Variants in KCNA6 observed in about 807,000 individuals in gnomAD.
KCNA6 encodes the protein potassium voltage-gated channel subfamily A member 6, also known as human brain potassium channel-2.
A neutral mutation model predicts 29.5 loss-of-function variants in KCNA6; 17 were observed. The ratio of observed to expected loss-of-function variants is 0.58; its 90% CI spans 0.39 to 0.86. The LOEUF (loss-of-function observed/expected upper bound fraction) is 0.86. KCNA6 is among the 40% of genes least tolerant of loss of function. The pLI is 0.00. For synonymous variants in KCNA6, 296 were observed against 304.7 expected, an observed-to-expected ratio of 0.97 and a Z score of 0.30; for missense variants, 450 against 703.4, an observed-to-expected ratio of 0.64 and a Z score of 4.07.
At chr12:4,821,459 TG>T in the KCNA6 span, among the ~76,000 whole-genome samples, 2 of 149,574 alleles carry the variant, frequency 1.3e-5, no homozygotes, top group South Asian at 2.2e-4. Context: ...TGTGTGTGTG[TG>T]TTTTGTTTTT....
At chr12:4,821,859 G>A in the KCNA6 span, among the ~76,000 whole-genome samples, 1 of 151,882 alleles carries the variant, frequency 6.6e-6, no homozygotes, top group Admixed American at 6.6e-5. Flanking sequence ...TTTTTTAGAT[G>A]GAGTTTCGCT....
chr12:4,844,174 A>T, the KCNA6 span, among the ~76,000 whole-genome samples: 2 of 152,174 alleles, frequency 1.3e-5, no homozygotes, highest in South Asian at 4.1e-4. The surrounding 1 kb of genome is among the most constrained non-coding windows in gnomAD (Gnocchi z 4.0). Context: ...CTAACCATGG[A>T]TGCATCGGCA....
the KCNA6 span, among the ~76,000 whole-genome samples, chr12:4,844,429 T>C: frequency 6.6e-6 from 1 of 152,098 alleles, no homozygotes; most frequent in Admixed American, 6.5e-5. This position sits in a 1 kb window ranked among gnomAD's most constrained non-coding sequence, Gnocchi z 4.0. Flanking sequence ...GGCGGTGACC[T>C]TACTGAGAAG....
At chr12:4,817,263 C>G (rs1946691407), downstream of KCNA6, among the ~76,000 whole-genome samples, 2 of 152,230 alleles carry the variant, frequency 1.3e-5, no homozygotes, top group Admixed American at 1.3e-4. Context: ...GCACAGATAG[C>G]TCATGGCAGA....
exon 1 of KCNA6, chr12:4,809,960 G>A (rs1946605610): frequency 6.9e-7 from 1 of 1,452,456 alleles, no homozygotes; most frequent in South Asian, 1.4e-5. Context: ...GGCGCAGCCG[G>A]GAGCTGGGGA....
the KCNA6 span, among the ~76,000 whole-genome samples, chr12:4,830,532 GA>G: frequency 6.6e-6 from 1 of 151,340 alleles, no homozygotes; most frequent in Non-Finnish European, 1.5e-5. Flanking sequence ...GGTGGCCAGC[GA>G]AAGAGAAACA....
chr12:4,846,556 CT>C, the KCNA6 span, among the ~76,000 whole-genome samples: 1 of 152,098 alleles, frequency 6.6e-6, no homozygotes, highest in Non-Finnish European at 1.5e-5. Context: ...TGAACATCTT[CT>C]TTTTCCTTGT....
chr12:4,811,373 C>T lies in KCNA6; in HGVS notation c.1332C>T (p.Ile444=), dbSNP rs763158647. 4 of 1,614,134 alleles carry T rather than the reference C, an allele frequency of 2.5e-6. No homozygotes were observed. The highest frequency in any genetic ancestry group is 2.2e-5 in the South Asian group (2 of 91,062). Residue 444 remains isoleucine (I), a synonymous_variant, in exon 1 of 1, where the codon ATC becomes ATT. Coordinates refer to ENST00000280684, the Ensembl canonical transcript of KCNA6. This position sits in a 1 kb window ranked among gnomAD's most constrained non-coding sequence, Gnocchi z 7.1. ...AGATCGTGGGCTCGCTGTGTGCCAT[C>T]GCTGGGGTCCTCACCATTGCCCTGC...
the KCNA6 span, among the ~76,000 whole-genome samples, chr12:4,846,670 C>A: frequency 6.6e-6 from 1 of 151,896 alleles, no homozygotes; most frequent in East Asian, 1.9e-4. Context: ...ATGCACCAGG[C>A]TCTCTCTCAC....
chr12:4,836,772 G>C, the KCNA6 span, among the ~76,000 whole-genome samples: 34 of 152,218 alleles, frequency 2.2e-4, no homozygotes, highest in African/African-American at 8.0e-4. Flanking sequence ...GAGTGCGACA[G>C]ACTAGCATTG....
At chr12:4,830,921 T>C in the KCNA6 span, among the ~76,000 whole-genome samples, 1 of 152,190 alleles carries the variant, frequency 6.6e-6, no homozygotes, top group South Asian at 2.1e-4. Context: ...AGCCACCCCC[T>C]AGCAGACTTT....
the KCNA6 span, among the ~76,000 whole-genome samples, chr12:4,832,707 C>G: frequency 2.0e-5 from 3 of 152,160 alleles, no homozygotes; most frequent in African/African-American, 7.2e-5. Flanking sequence ...TTTCTAGACC[C>G]AGAGAGGGTC....
chr12:4,814,868 G>A (rs775730998), downstream of KCNA6: 2 of 166,422 alleles, frequency 1.2e-5, no homozygotes, highest in Non-Finnish European at 2.9e-5. The surrounding 1 kb of genome is among the most constrained non-coding windows in gnomAD (Gnocchi z 4.6). Flanking sequence ...AGAAAGTGGG[G>A]AAGCGTGTGC....
the KCNA6 span, among the ~76,000 whole-genome samples, chr12:4,850,150 C>G: frequency 8.5e-5 from 13 of 152,270 alleles, no homozygotes; most frequent in African/African-American, 2.6e-4. The surrounding 1 kb of genome is among the most constrained non-coding windows in gnomAD (Gnocchi z 5.4). Context: ...TTCAGCCGGG[C>G]CTAGAGGGAC....
the KCNA6 span, among the ~76,000 whole-genome samples, chr12:4,822,003 T>A: frequency 0.041 from 6,194 of 152,196 alleles, 287 homozygotes; most frequent in East Asian, 0.22. Flanking sequence ...CTGACTAATT[T>A]TTTGCATTTT....
At chr12:4,836,531 G>C in the KCNA6 span, among the ~76,000 whole-genome samples, 1 of 152,162 alleles carries the variant, frequency 6.6e-6, no homozygotes. Context: ...AGGTATGGGG[G>C]TCAAGAATAG....
chr12:4,835,134 A>ATTTTTTTTTTTT, the KCNA6 span, among the ~76,000 whole-genome samples: 1 of 136,322 alleles, frequency 7.3e-6, no homozygotes, highest in African/African-American at 2.8e-5. Context: ...ACAGAGAATG[A>ATTTTTTTTTTTT]TTTTTTTTTT....
downstream of KCNA6, among the ~76,000 whole-genome samples, chr12:4,816,663 AT>A (rs1435581709): frequency 1.3e-5 from 2 of 151,814 alleles, no homozygotes; most frequent in Non-Finnish European, 2.9e-5. Flanking sequence ...ATTTTTTGAA[AT>A]TTTTTTTGTG....
chr12:4,846,323 A>G, the KCNA6 span, among the ~76,000 whole-genome samples: 137 of 152,040 alleles, frequency 9.0e-4, no homozygotes, highest in Non-Finnish European at 1.4e-3. Flanking sequence ...CCAACTATGG[A>G]AGATAAGGAT....
Sources: gnomAD v4.1 joint callset for allele counts (sites outside exome capture counted in the v4.1 genomes callset) on GRCh38, gnomAD v4.1.1 for gene constraint, Gnocchi (gnomAD v3.1) non-coding constraint, MANE v1.5 for transcripts, NCBI Gene and HGNC (gene_info 2026-07-23, HGNC 2026-07-21) for gene names.